The following FANCB variants were observed in gnomAD, a reference collection of about 807,000 sequenced individuals.
FANCB encodes FA complementation group B, also known as Fanconi anemia group B protein.
In FANCB, 5 loss-of-function variants were observed where a neutral mutation model predicts 38.9. The observed-to-expected ratio is 0.13, with a 90% CI of 0.07 to 0.27. The LOEUF (loss-of-function observed/expected upper bound fraction) is 0.27, where lower values mean the gene tolerates loss of function less well. Among genes scored for constraint, FANCB ranks in the 10% least tolerant of loss-of-function variants. The pLI is 1.00. For missense variants in FANCB, 573 were observed against 602.7 expected (o/e 0.95, Z 0.52); for synonymous variants, 236 against 215.4 (o/e 1.10, Z -0.84).
At chrX:14,860,987 A>G (rs921777149) in intron 3 of FANCB, among the ~76,000 whole-genome samples, 1 of 111,014 alleles carries the variant, frequency 9.0e-6, no homozygotes, top group Non-Finnish European at 1.9e-5. Context: ...GGCTCTAACA[A>G]TCTTCCCACC....
chrX:14,869,854 G>C (rs2092487068), intron 1 of FANCB, among the ~76,000 whole-genome samples: 1 of 112,009 alleles, frequency 8.9e-6, no homozygotes, highest in Non-Finnish European at 1.9e-5. Flanking sequence ...CTTTCAATAC[G>C]ATCTCCAGGC....
rs190579053 is a variant in FANCB, at chrX:14,843,753, G to A, written c.2394C>T (p.Val798=). Reference sequence around the variant, plus strand: ...CCCTTCTGTCTGATAAAGCAGCCGCGACGACACTACTCTTTCCTTTGCTCA... The same window carrying A: ...CCCTTCTGTCTGATAAAGCAGCCGCAACGACACTACTCTTTCCTTTGCTCA... ...CEVSKGKSSV[V]AAALSDRREN... Residue 798 remains valine (V), a synonymous_variant, in exon 10 of 10, where the codon GTC becomes GTT. Coordinates refer to ENST00000650831, the MANE Select transcript of FANCB (RefSeq NM_001018113.3). 1.9e-4 allele frequency: 235 copies of A among 1,209,077 alleles called. No homozygotes were observed. The highest frequency in any genetic ancestry group is 2.5e-4 in the Non-Finnish European group (225 of 894,855).
rs757074045 is a variant in FANCB, at chrX:14,865,071, A to G, written c.440T>C (p.Val147Ala). 5.0e-6 allele frequency: 6 copies of G among 1,208,684 alleles called. No homozygotes were observed. The East Asian group carries it at 1.8e-4, about 36-fold the overall frequency. ...AGAAGAGATAAAGAAGAATGCTTTG[A>G]CATGCCTCCATAAAATTAAAGGGCC... Reference protein sequence around the residue: ...LNGPLILWRHVKAFFFISSQT... With the variant: ...LNGPLILWRHAKAFFFISSQT... The change falls in exon 3 of 10, where the codon GTC (valine) becomes GCC (alanine). Residue 147 changes from valine (V) to alanine (A), a missense_variant. Coordinates refer to ENST00000650831, the MANE Select transcript of FANCB (RefSeq NM_001018113.3).
At chrX:14,704,216 G>A in the FANCB span, among the ~76,000 whole-genome samples, 1 of 112,344 alleles carries the variant, frequency 8.9e-6, no homozygotes, top group Non-Finnish European at 1.9e-5. Context: ...TTCTAAAATA[G>A]GTTTCATAAC....
At chrX:14,782,964 C>T in the FANCB span, among the ~76,000 whole-genome samples, 13 of 110,920 alleles carry the variant, frequency 1.2e-4, no homozygotes, top group Non-Finnish European at 5.7e-5. Flanking sequence ...GAAAATGCAC[C>T]GAACCTTATG....
chrX:14,695,227 A>C, the FANCB span, among the ~76,000 whole-genome samples: 3 of 111,751 alleles, frequency 2.7e-5, no homozygotes, highest in Non-Finnish European at 5.6e-5. Flanking sequence ...GATTGGGCAG[A>C]AAAAGGAACA....
At chrX:14,806,388 T>G in the FANCB span, among the ~76,000 whole-genome samples, 2 of 112,257 alleles carry the variant, frequency 1.8e-5, no homozygotes, top group South Asian at 7.3e-4. Flanking sequence ...CTATTACTCC[T>G]AAACCTTCTA....
the FANCB span, among the ~76,000 whole-genome samples, chrX:14,772,792 C>G: frequency 9.0e-6 from 1 of 111,661 alleles, no homozygotes; most frequent in East Asian, 2.8e-4. Context: ...TGTACCAGAC[C>G]CAAGGCCCTG....
In FANCB at chrX:14,865,052, G is replaced by A; in HGVS notation, c.459C>T (p.Ile153=). 1 of 1,210,210 alleles carries A rather than the reference G, an allele frequency of 8.3e-7. No individual in the cohort carries two copies. Among genetic ancestry groups the A allele is most frequent in the Non-Finnish European group, 1.1e-6 (1 of 894,679 alleles). ...LWRHVKAFFF[I]SSQTGKVVSV... ...TAACAACTTTGCCAGTTTGAGAAGA[G>A]ATAAAGAAGAATGCTTTGACATGCC... The change falls in exon 3 of 10, where the codon ATC becomes ATT. Residue 153 remains isoleucine, a synonymous_variant. Coordinates refer to ENST00000650831, the MANE Select transcript of FANCB (RefSeq NM_001018113.3).
the FANCB span, among the ~76,000 whole-genome samples, chrX:14,810,162 C>T: frequency 9.0e-6 from 1 of 111,563 alleles, no homozygotes; most frequent in Non-Finnish European, 1.9e-5. Flanking sequence ...AAAAACCCAT[C>T]TGTACATCAC....
chrX:14,763,204 G>T, the FANCB span, among the ~76,000 whole-genome samples: 2 of 111,769 alleles, frequency 1.8e-5, no homozygotes, highest in Non-Finnish European at 3.8e-5. Flanking sequence ...AAAATATGCT[G>T]TTGTTCACCA....
chrX:14,720,467 C>T, the FANCB span, among the ~76,000 whole-genome samples: 3 of 111,754 alleles, frequency 2.7e-5, no homozygotes, highest in Non-Finnish European at 3.8e-5. Context: ...GCTCCACTTA[C>T]TCAACAGACA....
the FANCB span, among the ~76,000 whole-genome samples, chrX:14,715,370 T>G: frequency 8.9e-6 from 1 of 112,493 alleles, no homozygotes; most frequent in Non-Finnish European, 1.9e-5. Context: ...AAAATACTTT[T>G]TTCATATTAC....
the FANCB span, among the ~76,000 whole-genome samples, chrX:14,763,140 C>T: frequency 9.0e-6 from 1 of 111,675 alleles, no homozygotes; most frequent in African/African-American, 3.3e-5. Flanking sequence ...TCTTTGATTA[C>T]AAAAATCCAA....
chrX:14,811,297 A>C, the FANCB span, among the ~76,000 whole-genome samples: 1 of 111,703 alleles, frequency 9.0e-6, no homozygotes, highest in South Asian at 3.7e-4. Flanking sequence ...TAATGACAGG[A>C]TCAAATTCAC....
At chrX:14,717,042 C>G in the FANCB span, among the ~76,000 whole-genome samples, 1 of 111,287 alleles carries the variant, frequency 9.0e-6, no homozygotes, top group East Asian at 2.8e-4. Context: ...AAAAAAGCAA[C>G]AACAAATCTG....
chrX:14,690,783 A>G, the FANCB span: 1 of 1,203,542 alleles, frequency 8.3e-7, no homozygotes, highest in Non-Finnish European at 1.1e-6. Context: ...TTACTGGAAT[A>G]CGCAGCGGTG....
chrX:14,867,901 T>C (rs5935817), intron 2 of FANCB, among the ~76,000 whole-genome samples: 20,772 of 110,080 alleles, frequency 0.19, 1,833 homozygotes, highest in Non-Finnish European at 0.27. Context: ...AATAACTTAA[T>C]AGACATATCT....
chrX:14,841,809 G>A (rs2092355839), downstream of FANCB, among the ~76,000 whole-genome samples: 1 of 111,240 alleles, frequency 9.0e-6, no homozygotes, highest in Non-Finnish European at 1.9e-5. Context: ...CTAGTTTGTA[G>A]TAAGTTAAAA....
Sources: allele counts gnomAD v4.1 joint callset (sites outside exome capture counted in the v4.1 genomes callset), GRCh38; gene constraint gnomAD v4.1.1; transcripts MANE v1.5; gene names NCBI Gene and HGNC (gene_info 2026-07-23, HGNC 2026-07-21).